ARHGEF3: variants seen among roughly 807,000 people sequenced by gnomAD.
The protein encoded by ARHGEF3 is Rho guanine nucleotide exchange factor 3.
ARHGEF3 carries 28 observed loss-of-function variants against 63.2 expected under a neutral mutation model. The observed-to-expected ratio is 0.44, with a 90% confidence interval of 0.33 to 0.61. ARHGEF3 has a LOEUF of 0.61. Among genes scored for constraint, ARHGEF3 ranks in the 20% least tolerant of loss-of-function variants. The pLI is 0.03. For synonymous variants in ARHGEF3, 266 were observed against 254.2 expected (o/e 1.05, Z -0.44); for missense variants, 533 against 659.3 (o/e 0.81, Z 2.10).
In ARHGEF3 at chr3:56,898,268, G is replaced by A. The variant is rs375086189; in HGVS notation, c.130-15914C>T. ...TGTGTTGCCCAGGCTGGAGTGCAGC[G>A]GCATAATCTCAGCTCACTGAAACCT... On this transcript the variant is annotated intron_variant, in intron 3 of 12. Coordinates refer to the ARHGEF3 transcript ENST00000338458. Among the ~76,000 whole-genome samples the A allele has an allele frequency of 2.2e-3, 331 of 152,222 alleles. 1 individual carries two copies. Among genetic ancestry groups the A allele is most frequent in the African/African-American group, 7.7e-3 (318 of 41,534 alleles).
chr3:56,909,657 A>G (rs760399515), intron 3 of ARHGEF3, among the ~76,000 whole-genome samples: 2 of 152,212 alleles, frequency 1.3e-5, no homozygotes, highest in African/African-American at 4.8e-5. Flanking sequence ...CATTCATCAC[A>G]TATTCATTTA....
chr3:56,745,132 A>C (rs1484679509), intron 7 of ARHGEF3, 73 bp downstream of exon 7: 1 of 1,534,236 alleles, frequency 6.5e-7, no homozygotes, highest in Non-Finnish European at 8.8e-7. Context: ...TCTTCCATTC[A>C]CCCACTGACC....
At chr3:56,825,838 C>T (rs1213617901) in intron 4 of ARHGEF3, among the ~76,000 whole-genome samples, 4 of 152,152 alleles carry the variant, frequency 2.6e-5, no homozygotes, top group African/African-American at 9.7e-5. Context: ...CTACAACTTT[C>T]TTTAGGGAAA....
chr3:56,945,144 A>C (rs868021219), intron 3 of ARHGEF3, among the ~76,000 whole-genome samples: 18 of 152,330 alleles, frequency 1.2e-4, no homozygotes, highest in South Asian at 2.1e-4. Flanking sequence ...GGGTGGAGCC[A>C]AGATGGCTGA....
chr3:56,758,944 A>C (rs2035259143), intron 2 of ARHGEF3, among the ~76,000 whole-genome samples: 1 of 152,160 alleles, frequency 6.6e-6, no homozygotes, highest in East Asian at 1.9e-4. Flanking sequence ...TGAGAGAATC[A>C]ACCTCCTATC....
intron 2 of ARHGEF3, among the ~76,000 whole-genome samples, chr3:56,967,223 TA>T (rs1324800561): frequency 1.4e-4 from 20 of 138,440 alleles, no homozygotes; most frequent in Non-Finnish European, 2.6e-4. Flanking sequence ...ATATGTAATT[TA>T]AGTTTTCTAT....
At chr3:56,810,488 C>T (rs2038025223) in intron 4 of ARHGEF3, among the ~76,000 whole-genome samples, 1 of 152,096 alleles carries the variant, frequency 6.6e-6, no homozygotes, top group Admixed American at 6.5e-5. Flanking sequence ...GACTATACCA[C>T]TGCACTCCGG....
chr3:57,037,090 A>C (rs1703994327), intron 1 of ARHGEF3, among the ~76,000 whole-genome samples: 3 of 152,228 alleles, frequency 2.0e-5, no homozygotes, highest in Non-Finnish European at 4.4e-5. Context: ...GATCCCTGTC[A>C]GGGGCCACTG....
At chr3:56,920,782 A>G (rs569725577) in intron 3 of ARHGEF3, among the ~76,000 whole-genome samples, 31 of 152,288 alleles carry the variant, frequency 2.0e-4, no homozygotes, top group Middle Eastern at 3.4e-3. Context: ...GCCGGGCACG[A>G]TGGCTCATGC....
chr3:56,920,576 G>A (rs1333145773), intron 3 of ARHGEF3, among the ~76,000 whole-genome samples: 1 of 152,172 alleles, frequency 6.6e-6, no homozygotes, highest in Non-Finnish European at 1.5e-5. Context: ...AAGCAACGAT[G>A]ATTCTTTCCA....
intron 3 of ARHGEF3, among the ~76,000 whole-genome samples, chr3:56,906,975 ATTT>A (rs368006965): frequency 2.8e-5 from 2 of 72,368 alleles, no homozygotes; most frequent in Admixed American, 1.7e-4. Context: ...CTCACATTCT[ATTT>A]TTTTTTTTTT....
intron 3 of ARHGEF3, among the ~76,000 whole-genome samples, chr3:56,934,754 C>T (rs899143611): frequency 6.6e-6 from 1 of 152,242 alleles, no homozygotes; most frequent in African/African-American, 2.4e-5. Flanking sequence ...CCCACCCACT[C>T]CATGGGCTCC....
At chr3:56,764,756 A>T (rs201438678) in intron 2 of ARHGEF3, among the ~76,000 whole-genome samples, 12 of 142,300 alleles carry the variant, frequency 8.4e-5, no homozygotes, top group Middle Eastern at 3.5e-3. Context: ...TAGTCAACAA[A>T]TTTTTTTTTT....
intron 3 of ARHGEF3, 26 bp downstream of exon 3, chr3:56,754,955 G>T (rs1318885443): frequency 6.2e-7 from 1 of 1,613,934 alleles, no homozygotes; most frequent in Non-Finnish European, 8.5e-7. Flanking sequence ...CAGACACACA[G>T]CCAGCTCCAT....
At chr3:57,045,008 T>C (rs1249906569) in intron 1 of ARHGEF3, among the ~76,000 whole-genome samples, 1 of 152,236 alleles carries the variant, frequency 6.6e-6, no homozygotes, top group Non-Finnish European at 1.5e-5. Context: ...GGCTCACACC[T>C]GTAATCCGAG....
At chr3:56,941,000 G>A (rs1699152710) in intron 3 of ARHGEF3, 1 of 152,196 alleles carries the variant, frequency 6.6e-6, no homozygotes, top group South Asian at 2.1e-4. Context: ...GCCAAGCACT[G>A]TCCACCAAAC....
At chr3:56,740,805 T>A (rs1181199328) in intron 7 of ARHGEF3, among the ~76,000 whole-genome samples, 1 of 152,232 alleles carries the variant, frequency 6.6e-6, no homozygotes, top group Non-Finnish European at 1.5e-5. Flanking sequence ...ACAGCCGGAA[T>A]TAATCAGCGC....
intron 3 of ARHGEF3, among the ~76,000 whole-genome samples, chr3:56,930,767 G>A (rs756765919): frequency 2.0e-5 from 3 of 152,142 alleles, no homozygotes; most frequent in Admixed American, 6.5e-5. Flanking sequence ...AGTAAGTGAA[G>A]GGAAATGGGC....
chr3:56,877,137 G>A (rs1275048167), intron 4 of ARHGEF3, among the ~76,000 whole-genome samples: 1 of 152,104 alleles, frequency 6.6e-6, no homozygotes, highest in African/African-American at 2.4e-5. Context: ...TTATCCAACT[G>A]ATAAAAGAGA....
Sources: gnomAD v4.1 joint callset for allele counts (sites outside exome capture counted in the v4.1 genomes callset) on GRCh38, gnomAD v4.1.1 for gene constraint, MANE v1.5 for transcripts, NCBI Gene and HGNC (gene_info 2026-07-23, HGNC 2026-07-21) for gene names.